The following SAMHD1 variants were observed in gnomAD, a reference collection of about 807,000 sequenced individuals.
SAMHD1 encodes deoxynucleoside triphosphate triphosphohydrolase SAMHD1.
Under a neutral mutation model 79.6 loss-of-function variants are expected in SAMHD1, and 54 were observed. That is an observed-to-expected ratio of 0.68 (90% CI 0.55 to 0.85). SAMHD1 has a LOEUF of 0.85. Among genes scored for constraint, SAMHD1 ranks in the 40% least tolerant of loss-of-function variants. The pLI, the probability that SAMHD1 is intolerant of heterozygous loss-of-function variation, is 0.00. For missense variants in SAMHD1, 663 were observed against 782.7 expected (o/e 0.85, Z 1.82); for synonymous variants, 260 against 264.1 (o/e 0.98, Z 0.15).
intron 9 of SAMHD1, 77 bp from the exon 10 acceptor site, chr20:36,912,629 G>A (rs930673508): frequency 9.9e-6 from 10 of 1,009,594 alleles, no homozygotes; most frequent in Admixed American, 1.9e-5. Flanking sequence ...ATAGGACAAG[G>A]AAGGAAAAGG....
At chr20:36,921,402 A>AC (rs890705372) in intron 6 of SAMHD1, among the ~76,000 whole-genome samples, 6 of 151,044 alleles carry the variant, frequency 4.0e-5, no homozygotes, top group Admixed American at 6.6e-5. Context: ...CAAAAAAAAA[A>AC]AAAAAAAAAA....
At chr20:36,904,609 C>T (rs1018089465) in intron 12 of SAMHD1, 3 of 314,342 alleles carry the variant, frequency 9.5e-6, no homozygotes, top group Non-Finnish European at 1.8e-5. Flanking sequence ...CCCAACTACT[C>T]GGGAGGCTTA....
Position 36,900,754 on chromosome 20 carries a change from A to G in SAMHD1, c.1504-2210T>C, listed in dbSNP as rs1051937687. The stretch of plus-strand genomic sequence containing the variant: ...GCTCACTTTTTTTTTTTTTAATTTT[A>G]GTAGAGACAGGGTTTCACCATGTTG... On this transcript the variant is annotated intron_variant, in intron 13 of 15. Coordinates refer to ENST00000646673, the MANE Select transcript of SAMHD1 (RefSeq NM_015474.4). 3.4e-5 allele frequency among the ~76,000 whole-genome samples: 5 copies of G among 145,274 alleles called. No individual in the cohort carries two copies. The Admixed American group carries it at 3.5e-4, about 10-fold the overall frequency.
chr20:36,902,224 C>T (rs1200564080), intron 13 of SAMHD1, among the ~76,000 whole-genome samples: 4 of 152,128 alleles, frequency 2.6e-5, no homozygotes. Context: ...CTCTGTTGCC[C>T]AGGCTGGAGA....
chr20:36,921,008 C>A (rs1568771557), intron 6 of SAMHD1, among the ~76,000 whole-genome samples: 1 of 151,740 alleles, frequency 6.6e-6, no homozygotes, highest in Non-Finnish European at 1.5e-5. Flanking sequence ...ATTGCTTGAG[C>A]CCAGGTGGTT....
At chr20:36,927,308 T>C in intron 5 of SAMHD1, 56 bp from the exon 6 acceptor site, 11 of 1,174,762 alleles carry the variant, frequency 9.4e-6, no homozygotes, top group Non-Finnish European at 1.3e-5. Context: ...CAACAAAAAC[T>C]TTTTCCTTTT....
At chr20:36,933,252 T>C (rs1033062863) in intron 4 of SAMHD1, among the ~76,000 whole-genome samples, 1 of 151,986 alleles carries the variant, frequency 6.6e-6, no homozygotes, top group African/African-American at 2.4e-5. Context: ...CCCTGTCCAC[T>C]TCCTCCTGGC....
chr20:36,943,806 A>G (rs6072797), intron 2 of SAMHD1, among the ~76,000 whole-genome samples: 126,396 of 152,098 alleles, frequency 0.83, 52,922 homozygotes, highest in East Asian at 0.99. Context: ...CATGCCGGGG[A>G]CAGTGGCTCA....
intron 1 of SAMHD1, among the ~76,000 whole-genome samples, chr20:36,949,584 A>G (rs1316336707): frequency 1.3e-5 from 2 of 151,154 alleles, no homozygotes; most frequent in Non-Finnish European, 2.9e-5. Flanking sequence ...GTGAAACCCC[A>G]TCTCTACTAA....
chr20:36,940,783 G>T, intron 3 of SAMHD1: 2 of 521,146 alleles, frequency 3.8e-6, no homozygotes, highest in Non-Finnish European at 6.9e-6. Flanking sequence ...AGCAAATTAG[G>T]CAAAATATTA....
At chr20:36,913,024 T>A (rs1373149232) in intron 9 of SAMHD1, among the ~76,000 whole-genome samples, 3 of 138,510 alleles carry the variant, frequency 2.2e-5, no homozygotes, top group African/African-American at 5.5e-5. Flanking sequence ...TGAGATGGAG[T>A]CTCGCTCTGT....
At chr20:36,910,117 G>T (rs1568765927) in intron 11 of SAMHD1, among the ~76,000 whole-genome samples, 1 of 151,866 alleles carries the variant, frequency 6.6e-6, no homozygotes, top group Non-Finnish European at 1.5e-5. Flanking sequence ...CAGCTACTCG[G>T]GAGGCTGAGG....
At chr20:36,894,727 A>T (rs1990166430) in intron 15 of SAMHD1, among the ~76,000 whole-genome samples, 1 of 151,724 alleles carries the variant, frequency 6.6e-6, no homozygotes, top group African/African-American at 2.4e-5. Context: ...AAACTGTGCC[A>T]CTGCACTCCA....
At chr20:36,941,222 T>G in intron 2 of SAMHD1, 111 bp from the exon 3 acceptor site, 1 of 754,768 alleles carries the variant, frequency 1.3e-6, no homozygotes, top group Non-Finnish European at 2.3e-6. Flanking sequence ...AGAAGTTAGA[T>G]TGGAAGGAAC....
At chr20:36,908,626 T>C (rs2063418952) in intron 11 of SAMHD1, among the ~76,000 whole-genome samples, 1 of 152,182 alleles carries the variant, frequency 6.6e-6, no homozygotes, top group African/African-American at 2.4e-5. Context: ...GTATTTTACA[T>C]GCCTTTTCCC....
chr20:36,941,050 C>G lies in SAMHD1; in HGVS notation c.337G>C (p.Asp113His). 1 of 1,612,634 alleles carries G rather than the reference C, an allele frequency of 6.2e-7. No homozygotes were observed. Among genetic ancestry groups the G allele is most frequent in the Non-Finnish European group, 8.5e-7 (1 of 1,178,818 alleles). ...YIQRLVQIHV[D>H]TMKVINDPIH... The stretch of plus-strand genomic sequence containing the variant: ...TCAGATCCTCTTACCTTCATTGTAT[C>G]AACGTGGATTTGAACCAATCGCTGG... Residue 113 changes from aspartate (D) to histidine (H), a missense_variant, in exon 3 of 16, where the codon GAT becomes CAT. Physicochemically the swap from Asp to His is moderately conservative, Grantham distance 81 (BLOSUM62 -1). Coordinates refer to ENST00000646673, the MANE Select transcript of SAMHD1 (RefSeq NM_015474.4).
intron 13 of SAMHD1, 141 bp from the exon 14 acceptor site, chr20:36,898,685 G>A (rs1456604728): frequency 1.2e-5 from 8 of 685,624 alleles, no homozygotes; most frequent in Non-Finnish European, 1.8e-5. Flanking sequence ...AGGCCAAGGT[G>A]GGTGAATCAC....
chr20:36,908,257 A>G (rs2063416421), intron 11 of SAMHD1, among the ~76,000 whole-genome samples: 1 of 148,402 alleles, frequency 6.7e-6, no homozygotes, highest in African/African-American at 2.5e-5. Flanking sequence ...TATTATTATT[A>G]TTTGATACAG....
At chr20:36,930,071 A>AG (rs1435456703) in intron 5 of SAMHD1, among the ~76,000 whole-genome samples, 1 of 91,188 alleles carries the variant, frequency 1.1e-5, no homozygotes, top group African/African-American at 5.0e-5. Context: ...ACAAAAAGGA[A>AG]GAAAAAAAAA....
Sources: allele counts gnomAD v4.1 joint callset (sites outside exome capture counted in the v4.1 genomes callset), GRCh38; gene constraint gnomAD v4.1.1; transcripts MANE v1.5; gene names NCBI Gene and HGNC (gene_info 2026-07-23, HGNC 2026-07-21).